The following MSRA variants were observed in gnomAD, a reference collection of about 807,000 sequenced individuals.
MSRA encodes the protein methionine sulfoxide reductase A.
A neutral mutation model predicts 31.3 loss-of-function variants in MSRA; 54 were observed. The observed-to-expected ratio is 1.73, with a 90% CI of 1.39 to 2.17. MSRA has a LOEUF of 2.17. Among genes scored for constraint, MSRA ranks in the 30% most tolerant of loss-of-function variants. The probability of loss-of-function intolerance (pLI) is 0.00; values close to 1 mark genes in which losing one functional copy is unlikely to be tolerated. For synonymous variants in MSRA, 169 were observed against 116.5 expected, an observed-to-expected ratio of 1.45 and a Z score of -2.90; for missense variants, 507 against 300.9, an observed-to-expected ratio of 1.69 and a Z score of -5.07.
intron 5 of MSRA, among the ~76,000 whole-genome samples, chr8:10,384,923 G>A (rs1043384163): frequency 3.9e-5 from 6 of 152,082 alleles, no homozygotes; most frequent in African/African-American, 1.4e-4. Flanking sequence ...GATCACTTGA[G>A]CCGAGGAGGT....
At chr8:10,413,001 G>A (rs762696873) in intron 5 of MSRA, among the ~76,000 whole-genome samples, 1 of 152,104 alleles carries the variant, frequency 6.6e-6, no homozygotes, top group African/African-American at 2.4e-5. Context: ...GAAATAAGAC[G>A]ACACAAAAAC....
chr8:10,251,862 G>GA (rs1491455066), intron 3 of MSRA, among the ~76,000 whole-genome samples: 1 of 81,950 alleles, frequency 1.2e-5, no homozygotes, highest in Non-Finnish European at 3.4e-5. Context: ...TTGACATGGT[G>GA]GGGGGGGGGG....
chr8:10,231,186 G>A lies in MSRA; in HGVS notation c.212-13918G>A, dbSNP rs563840760. ...AAGGCGGCAAGGAGGGAGCTGAGGCGGGCGGACAGGGAGGAGGGCTGCAGT... is the reference window on the plus strand; with the variant it reads ...AAGGCGGCAAGGAGGGAGCTGAGGCAGGCGGACAGGGAGGAGGGCTGCAGT... On this transcript the variant is annotated intron_variant, in intron 2 of 5. Coordinates refer to ENST00000317173, the MANE Select transcript of MSRA (RefSeq NM_012331.5). Among the ~76,000 whole-genome samples the A allele has an allele frequency of 2.5e-4, 38 of 152,002 alleles. No homozygotes were observed. The East Asian group carries it at 4.3e-3, about 17-fold the overall frequency.
chr8:10,163,476 C>T (rs1042162280), intron 1 of MSRA, among the ~76,000 whole-genome samples: 5 of 152,162 alleles, frequency 3.3e-5, no homozygotes, highest in Non-Finnish European at 5.9e-5. Context: ...GCCCGGAGGC[C>T]GTTCCTCACT....
intron 1 of MSRA, among the ~76,000 whole-genome samples, chr8:10,087,410 A>C (rs1288493106): frequency 6.6e-6 from 1 of 152,150 alleles, no homozygotes; most frequent in Non-Finnish European, 1.5e-5. Context: ...CCCTTGGCTC[A>C]TGCCTGGCAA....
chr8:10,071,029 C>T (rs941248923), intron 1 of MSRA, among the ~76,000 whole-genome samples: 11 of 152,246 alleles, frequency 7.2e-5, no homozygotes, highest in African/African-American at 2.6e-4. Context: ...AGTGCAATTG[C>T]TGGGCACTTA....
intron 5 of MSRA, among the ~76,000 whole-genome samples, chr8:10,344,870 A>C (rs1448524440): frequency 6.6e-6 from 1 of 152,202 alleles, no homozygotes; most frequent in Admixed American, 6.5e-5. Context: ...ATCACAGCAT[A>C]ACAAACTACC....
intron 2 of MSRA, among the ~76,000 whole-genome samples, chr8:10,209,060 T>G (rs536888014): frequency 1.3e-5 from 2 of 152,324 alleles, no homozygotes; most frequent in Non-Finnish European, 2.9e-5. Context: ...TCATGCTCTG[T>G]GTAGGCTATC....
At chr8:10,276,896 T>C (rs1298740982) in intron 3 of MSRA, among the ~76,000 whole-genome samples, 3 of 152,228 alleles carry the variant, frequency 2.0e-5, no homozygotes, top group Non-Finnish European at 4.4e-5. Flanking sequence ...CTTTTTTTCA[T>C]CTGAATTGTG....
intron 5 of MSRA, among the ~76,000 whole-genome samples, chr8:10,404,529 C>G (rs1465802708): frequency 6.6e-6 from 1 of 152,216 alleles, no homozygotes; most frequent in African/African-American, 2.4e-5. Flanking sequence ...AATAGGCCAT[C>G]CCGGGCGGCC....
chr8:10,365,865 A>C (rs1805134376), intron 5 of MSRA, among the ~76,000 whole-genome samples: 2 of 152,210 alleles, frequency 1.3e-5, no homozygotes. Context: ...CTGTGAACCC[A>C]GGACTCCTGG....
At chr8:10,108,280 C>G (rs1428486104) in intron 1 of MSRA, among the ~76,000 whole-genome samples, 1 of 152,182 alleles carries the variant, frequency 6.6e-6, no homozygotes, top group Non-Finnish European at 1.5e-5. Context: ...AGGGCAAGAT[C>G]CTTTCATGAT....
intron 1 of MSRA, among the ~76,000 whole-genome samples, chr8:10,165,720 C>G (rs1481433473): frequency 1.3e-5 from 2 of 152,180 alleles, no homozygotes; most frequent in African/African-American, 4.8e-5. Flanking sequence ...GACATTGTAG[C>G]TGGAATCTGA....
chr8:10,204,073 T>A (rs1218767289), intron 1 of MSRA, among the ~76,000 whole-genome samples: 2 of 151,768 alleles, frequency 1.3e-5, no homozygotes, highest in Non-Finnish European at 2.9e-5. Flanking sequence ...AAGTAAAAAA[T>A]GAAAATTTTA....
intron 5 of MSRA, among the ~76,000 whole-genome samples, chr8:10,409,417 G>T (rs1808021489): frequency 6.6e-6 from 1 of 152,066 alleles, no homozygotes; most frequent in Non-Finnish European, 1.5e-5. Context: ...AAGGTCTCTT[G>T]TCACACGGGG....
At chr8:10,318,893 C>T (rs1460752103) in intron 4 of MSRA, among the ~76,000 whole-genome samples, 2 of 152,168 alleles carry the variant, frequency 1.3e-5, no homozygotes, top group Non-Finnish European at 2.9e-5. Flanking sequence ...CTTTTGCAAG[C>T]AGTAGCAGTT....
At chr8:10,096,481 G>A (rs1387490916) in intron 1 of MSRA, among the ~76,000 whole-genome samples, 1 of 152,194 alleles carries the variant, frequency 6.6e-6, no homozygotes, top group Non-Finnish European at 1.5e-5. Flanking sequence ...AAATGGCTGG[G>A]AATGGTAGAG....
intron 4 of MSRA, among the ~76,000 whole-genome samples, chr8:10,313,062 A>G (rs528233109): frequency 3.9e-5 from 6 of 152,250 alleles, no homozygotes; most frequent in African/African-American, 1.4e-4. Context: ...AATCCACTAG[A>G]TACCTATTTA....
At chr8:10,083,275 A>C (rs1290250373) in intron 1 of MSRA, among the ~76,000 whole-genome samples, 1 of 152,152 alleles carries the variant, frequency 6.6e-6, no homozygotes, top group East Asian at 1.9e-4. Context: ...CAAATCTAAA[A>C]CTCACTTTAG....
Sources: allele counts gnomAD v4.1 joint callset (sites outside exome capture counted in the v4.1 genomes callset), GRCh38; gene constraint gnomAD v4.1.1; transcripts MANE v1.5; gene names NCBI Gene and HGNC (gene_info 2026-07-23, HGNC 2026-07-21).